Variants in PUDP observed in about 807,000 individuals in gnomAD.
PUDP encodes the protein pseudouridine 5'-phosphatase, also known as pseudouridine-5'-phosphatase.
A neutral mutation model predicts 9.4 loss-of-function variants in PUDP; 8 were observed. The ratio of observed to expected loss-of-function variants is 0.85; its 90% confidence interval spans 0.50 to 1.53. The LOEUF (loss-of-function observed/expected upper bound fraction) is 1.53. Ranked by LOEUF, PUDP falls within the 40% of genes most tolerant of loss-of-function variation. PUDP has a pLI of 0.00. For synonymous variants in PUDP, 99 were observed against 80.7 expected, an observed-to-expected ratio of 1.23 and a Z score of -1.22; for missense variants, 188 against 189.7, an observed-to-expected ratio of 0.99 and a Z score of 0.05.
chrX:6,832,199 T>C (rs747825317), intron 3 of PUDP, among the ~76,000 whole-genome samples: 12 of 111,821 alleles, frequency 1.1e-4, no homozygotes, highest in Non-Finnish European at 2.3e-4. Flanking sequence ...GACTGGCAAA[T>C]GGCACCAAGA....
chrX:6,885,645 G>A (rs1447550796), intron 3 of PUDP, among the ~76,000 whole-genome samples: 2 of 112,304 alleles, frequency 1.8e-5, no homozygotes, highest in Non-Finnish European at 3.8e-5. Context: ...CACAGTGTCT[G>A]TGCTATTTCC....
chrX:6,886,584 A>G (rs1225304566), intron 3 of PUDP, among the ~76,000 whole-genome samples: 1 of 111,579 alleles, frequency 9.0e-6, no homozygotes, highest in Admixed American at 9.6e-5. Context: ...TAACTCACCA[A>G]AAAGCACCCC....
intron 3 of PUDP, among the ~76,000 whole-genome samples, chrX:7,061,985 C>G (rs1251877513): frequency 8.9e-6 from 1 of 112,042 alleles, no homozygotes; most frequent in African/African-American, 3.2e-5. Context: ...GACTATGCCA[C>G]TAAATATCTC....
intron 1 of PUDP, among the ~76,000 whole-genome samples, chrX:7,032,056 A>T (rs3863533): frequency 0.37 from 40,427 of 110,718 alleles, 5,543 homozygotes; most frequent in Non-Finnish European, 0.41. Flanking sequence ...AAACAAAAAC[A>T]CATGCAAAAA....
intron 1 of PUDP, among the ~76,000 whole-genome samples, chrX:6,709,803 A>T (rs775481773): frequency 3.6e-5 from 4 of 112,225 alleles, no homozygotes; most frequent in Non-Finnish European, 5.6e-5. Flanking sequence ...AACCTAAGGC[A>T]CAACCAGAGA....
At chrX:6,726,924 GA>G (rs1283825857) in intron 3 of PUDP, among the ~76,000 whole-genome samples, 2 of 112,001 alleles carry the variant, frequency 1.8e-5, no homozygotes, top group East Asian at 5.6e-4. Flanking sequence ...CATGAGAGGA[GA>G]AGTGCTAAAT....
intron 3 of PUDP, among the ~76,000 whole-genome samples, chrX:6,963,639 T>C (rs960170147): frequency 1.3e-4 from 15 of 111,837 alleles, no homozygotes; most frequent in African/African-American, 4.9e-4. Flanking sequence ...ATATGCAGGC[T>C]GTAACTGAGA....
chrX:7,094,260 C>T (rs759505520), intron 2 of PUDP, among the ~76,000 whole-genome samples: 1 of 111,125 alleles, frequency 9.0e-6, no homozygotes, highest in Non-Finnish European at 1.9e-5. Context: ...GTCTTCATTA[C>T]AATTTACTAA....
chrX:7,075,053 T>C (rs1201935736), intron 3 of PUDP, among the ~76,000 whole-genome samples: 1 of 112,513 alleles, frequency 8.9e-6, no homozygotes, highest in Non-Finnish European at 1.9e-5. Flanking sequence ...TCATAAAAAC[T>C]ACACACCTGG....
At chrX:7,106,059 T>C (rs1431427862) in intron 1 of PUDP, among the ~76,000 whole-genome samples, 1 of 112,409 alleles carries the variant, frequency 8.9e-6, no homozygotes, top group Non-Finnish European at 1.9e-5. Context: ...AGTTGTGATC[T>C]GGAAATTCAG....
At chrX:6,753,286 T>C (rs1365840669) in intron 3 of PUDP, among the ~76,000 whole-genome samples, 1 of 112,513 alleles carries the variant, frequency 8.9e-6, no homozygotes, top group Non-Finnish European at 1.9e-5. Context: ...TCCAGGTCAC[T>C]GCAAATGCTA....
At chrX:6,739,372 G>A (rs73457838) in intron 3 of PUDP, among the ~76,000 whole-genome samples, 6,409 of 111,693 alleles carry the variant, frequency 0.057, 327 homozygotes, top group African/African-American at 0.17. Context: ...ACCGCTTCCT[G>A]AGCTTGCTTC....
intron 3 of PUDP, among the ~76,000 whole-genome samples, chrX:6,741,879 G>A (rs1479491406): frequency 1.0e-5 from 1 of 97,670 alleles, no homozygotes; most frequent in African/African-American, 3.9e-5. Flanking sequence ...TTTCTTTGAT[G>A]GAGTCTCACT....
In PUDP at chrX:7,105,651, C is replaced by T. The variant is rs759288222; in HGVS notation, c.249G>A (p.Lys83=). The stretch of plus-strand genomic sequence containing the variant: ...TGAGCGCAGCCGTGGGGAACACTTC[C>T]TTTAACTTCGTTTGGCTTTCTTCCA... The part of the protein sequence containing the change: ...ELVEESQTKL[K]EVFPTAALMP... Residue 83 remains lysine, a synonymous_variant, in exon 2 of 4, where the codon AAG becomes AAA. Transcript: ENST00000381077. The T allele has an allele frequency of 2.4e-5, 29 of 1,207,930 alleles. No homozygotes were observed. The African/African-American group carries it at 4.2e-4, about 17-fold the overall frequency.
At position 7,023,951 on chromosome X, in the gene PUDP, C is replaced by T. The variant is rs546518328; in HGVS notation, c.205-45608G>A. Among the ~76,000 whole-genome samples, 10 of 111,753 alleles carry T rather than the reference C, an allele frequency of 8.9e-5. No homozygotes were observed. The South Asian group carries it at 1.1e-3, about 13-fold the overall frequency. On this transcript the variant is annotated intron_variant and NMD_transcript_variant, in intron 1 of 3. Coordinates refer to the PUDP transcript ENST00000655425. Reference sequence around the variant, plus strand: ...TATACATATCTTCTCAAATTTATTTCGAAATATTTCATATTTCTGAAGCTA... The same window carrying T: ...TATACATATCTTCTCAAATTTATTTTGAAATATTTCATATTTCTGAAGCTA...
chrX:7,118,980 TGACA>T (rs1318126240), intron 1 of PUDP, among the ~76,000 whole-genome samples: 1 of 101,439 alleles, frequency 9.9e-6, no homozygotes, highest in Non-Finnish European at 2.2e-5. Flanking sequence ...AAACAAATAC[TGACA>T]AAGAGAAACC....
intron 1 of PUDP, among the ~76,000 whole-genome samples, chrX:7,115,101 G>C (rs1307631445): frequency 2.7e-5 from 3 of 112,305 alleles, no homozygotes; most frequent in Admixed American, 9.4e-5. Flanking sequence ...ATGAGATGTA[G>C]AATTCAATGA....
chrX:6,935,184 T>G (rs770323047), intron 3 of PUDP, among the ~76,000 whole-genome samples: 52 of 107,325 alleles, frequency 4.8e-4, no homozygotes, highest in African/African-American at 1.6e-3. Flanking sequence ...ATATACATTT[T>G]TTTAAGCACC....
At chrX:7,022,172 G>A (rs1396066454) in intron 1 of PUDP, among the ~76,000 whole-genome samples, 2 of 111,379 alleles carry the variant, frequency 1.8e-5, no homozygotes, top group African/African-American at 6.5e-5. Context: ...GGCATGGTCC[G>A]AAGTCCACAG....
Sources: gnomAD v4.1 joint callset for allele counts (sites outside exome capture counted in the v4.1 genomes callset) on GRCh38, gnomAD v4.1.1 for gene constraint, MANE v1.5 for transcripts, NCBI Gene and HGNC (gene_info 2026-07-23, HGNC 2026-07-21) for gene names.